Variants in MARK3 observed in about 807,000 individuals in gnomAD.
MARK3 encodes microtubule affinity regulating kinase 3, also known as MAP/microtubule affinity-regulating kinase 3.
A neutral mutation model predicts 90.1 loss-of-function variants in MARK3; 46 were observed. The observed-to-expected ratio is 0.51, with a 90% confidence interval of 0.40 to 0.65. The LOEUF (loss-of-function observed/expected upper bound fraction) is 0.65, where lower values mean the gene tolerates loss of function less well. Among genes scored for constraint, MARK3 ranks in the 30% least tolerant of loss-of-function variants. The pLI, the probability that MARK3 is intolerant of heterozygous loss-of-function variation, is 0.00. For synonymous variants in MARK3, 321 were observed against 332.6 expected (o/e 0.97, Z 0.38); for missense variants, 818 against 947.2 (o/e 0.86, Z 1.79).
At chr14:103,470,413 T>C (rs1351896382) in intron 12 of MARK3, among the ~76,000 whole-genome samples, 2 of 150,962 alleles carry the variant, frequency 1.3e-5, no homozygotes, top group East Asian at 1.9e-4. Context: ...ATTGCAGATA[T>C]TTCCTTTAAT....
chr14:103,498,625 T>C, intron 16 of MARK3, 97 bp downstream of exon 16: 1 of 1,170,190 alleles, frequency 8.5e-7, no homozygotes, highest in East Asian at 3.5e-5. Context: ...GTTTTTTCCT[T>C]ATAAACTAAA....
At chr14:103,487,140 C>T (rs2093944675) in intron 14 of MARK3, among the ~76,000 whole-genome samples, 1 of 150,890 alleles carries the variant, frequency 6.6e-6, no homozygotes, top group South Asian at 2.1e-4. Context: ...TGGTCTGGAA[C>T]TCCTGGCCTC....
rs1370556905 is a variant in MARK3 at position 103,389,801 on chromosome 14, G to A, written c.51+3721G>A. 4.0e-5 allele frequency among the ~76,000 whole-genome samples: 6 copies of A among 151,176 alleles called. No homozygotes were observed. In the East Asian group the frequency reaches 5.9e-4, roughly 15 times the overall value. ...TCTACTAAAAATACAAAAATTAGCC[G>A]GGTGCGGTGGCGGGCACCTGTAATC... On this transcript the variant is annotated intron_variant, in intron 1 of 17. Coordinates refer to ENST00000429436, the MANE Select transcript of MARK3 (RefSeq NM_001128918.3).
intron 1 of MARK3, among the ~76,000 whole-genome samples, chr14:103,392,134 T>C (rs2090294967): frequency 6.6e-6 from 1 of 152,190 alleles, no homozygotes; most frequent in Non-Finnish European, 1.5e-5. Flanking sequence ...TTCTGACCTC[T>C]GTGAAACTGA....
At chr14:103,426,805 G>A (rs954660716) in intron 2 of MARK3, among the ~76,000 whole-genome samples, 12 of 151,760 alleles carry the variant, frequency 7.9e-5, no homozygotes, top group African/African-American at 2.7e-4. Context: ...TGCTGTTGCC[G>A]CTCTGTATAT....
In MARK3 at chr14:103,467,081, AT is replaced by A; in HGVS notation, c.1002del (p.Met335TrpfsTer18). 7.0e-7 allele frequency: 1 copy of A among 1,429,704 alleles called. No individual in the cohort carries two copies. 88.6% of individuals were successfully genotyped at this position (1,429,704 alleles called of 1,614,324 possible). A position where few individuals can be genotyped will look rare whatever the true frequency, so the allele number is the denominator to read the frequency against. On this transcript the variant is annotated frameshift_variant, in exon 11 of 18. Transcript: ENST00000429436. LOFTEE classifies it high-confidence loss of function. ...LDISDQKRID[I>X]MVGMGYSQEE... ...ACTGTATTATGCCCTTCTTTTAGAT[AT>A]TATGGTGGGAATGGGATATTCACAA...
chr14:103,417,717 A>G (rs1274603683), intron 2 of MARK3, among the ~76,000 whole-genome samples: 4 of 151,902 alleles, frequency 2.6e-5, no homozygotes, highest in African/African-American at 4.8e-5. Flanking sequence ...TTCTATCTCT[A>G]TGTTTTTACT....
intron 3 of MARK3, among the ~76,000 whole-genome samples, chr14:103,446,454 G>T (rs1459340122): frequency 6.6e-6 from 1 of 152,030 alleles, no homozygotes; most frequent in African/African-American, 2.4e-5. Context: ...CCTGGGAGGC[G>T]GAGGTTGCAG....
intron 7 of MARK3, among the ~76,000 whole-genome samples, chr14:103,464,373 A>G (rs1373553999): frequency 7.8e-6 from 1 of 128,984 alleles, no homozygotes; most frequent in Non-Finnish European, 1.5e-5. Context: ...ATCTCTGCTC[A>G]CTGCAACCTC....
intron 14 of MARK3, chr14:103,490,205 C>G (rs1476960025): frequency 1.3e-5 from 2 of 152,074 alleles, no homozygotes; most frequent in African/African-American, 4.8e-5. Flanking sequence ...TTCCCAGCCA[C>G]TTAGGAGGCT....
rs777024619 is a variant in MARK3, at chr14:103,500,192, G to C, written c.1908G>C (p.Glu636Asp). The C allele has an allele frequency of 1.6e-5, 26 of 1,605,256 alleles. No individual in the cohort carries two copies. Among genetic ancestry groups the C allele is most frequent in the Non-Finnish European group, 2.2e-5 (26 of 1,177,062 alleles). Residue 636 changes from glutamate to aspartate, a missense_variant, in exon 17 of 18, where the codon GAG becomes GAC. Glu to Asp is a conservative substitution (Grantham distance 45). Around this residue, in one of 3 missense-constraint regions of MARK3, gnomAD observed 560 missense variants for 613.5 expected, o/e 0.91. Transcript: ENST00000429436. Reference sequence around the variant, plus strand: ...AATATGAGAGGAACGGGAGATATGAGGGCTCAAGGTGAGGGAAATGATTTT... The same window carrying C: ...AATATGAGAGGAACGGGAGATATGACGGCTCAAGGTGAGGGAAATGATTTT... ...PTEYERNGRY[E>D]GSSRNVSAEQ...
At chr14:103,388,783 T>G (rs2090002491) in intron 1 of MARK3, among the ~76,000 whole-genome samples, 1 of 152,174 alleles carries the variant, frequency 6.6e-6, no homozygotes. Context: ...AAATAATCTT[T>G]TGTGTCTTCT....
intron 1 of MARK3, among the ~76,000 whole-genome samples, chr14:103,402,497 A>G (rs2091023143): frequency 6.6e-6 from 1 of 151,838 alleles, no homozygotes; most frequent in African/African-American, 2.4e-5. Flanking sequence ...GGTTGCAGTG[A>G]GCTGAGATTG....
chr14:103,427,244 A>G (rs999759404), intron 2 of MARK3, among the ~76,000 whole-genome samples: 1 of 151,562 alleles, frequency 6.6e-6, no homozygotes, highest in Admixed American at 6.6e-5. Flanking sequence ...TCACACGTGT[A>G]ATCCTAGCAC....
chr14:103,391,542 CTT>C (rs35186837), intron 1 of MARK3, among the ~76,000 whole-genome samples: 238 of 140,002 alleles, frequency 1.7e-3, no homozygotes, highest in Non-Finnish European at 1.8e-3. Context: ...GTCAAATATG[CTT>C]TTTTTTTTTT....
intron 3 of MARK3, among the ~76,000 whole-genome samples, chr14:103,445,884 G>A (rs894513676): frequency 1.2e-4 from 18 of 152,194 alleles, no homozygotes; most frequent in African/African-American, 1.7e-4. Context: ...ATTGTGCTGC[G>A]GAGGATTTAA....
chr14:103,496,416 ACTT>A (rs1420005947), intron 15 of MARK3, among the ~76,000 whole-genome samples: 1 of 127,632 alleles, frequency 7.8e-6, no homozygotes, highest in African/African-American at 3.1e-5. Flanking sequence ...CCCCATCTCT[ACTT>A]TTTTTTTTTT....
intron 1 of MARK3, among the ~76,000 whole-genome samples, chr14:103,390,173 G>A (rs915830844): frequency 2.0e-5 from 3 of 150,646 alleles, no homozygotes; most frequent in African/African-American, 4.9e-5. Context: ...GCGTGATCCC[G>A]GGAGGCGGAG....
At chr14:103,407,320 C>G (rs1021028060) in intron 2 of MARK3, among the ~76,000 whole-genome samples, 2 of 152,118 alleles carry the variant, frequency 1.3e-5, no homozygotes, top group Non-Finnish European at 2.9e-5. Flanking sequence ...ACTTGCTAAT[C>G]AATATTATTG....
Sources: gnomAD v4.1 joint callset for allele counts (sites outside exome capture counted in the v4.1 genomes callset) on GRCh38, gnomAD v4.1.1 for gene constraint, gnomAD v4.1.1 regional missense constraint, MANE v1.5 for transcripts, NCBI Gene and HGNC (gene_info 2026-07-23, HGNC 2026-07-21) for gene names.